Variants in CACNA2D1 observed in about 807,000 individuals in gnomAD.
CACNA2D1 encodes the protein voltage-dependent calcium channel subunit alpha-2/delta-1.
A neutral mutation model predicts 171.5 loss-of-function variants in CACNA2D1; 53 were observed. That is an observed-to-expected ratio of 0.31 (90% CI 0.25 to 0.39). The LOEUF (loss-of-function observed/expected upper bound fraction) is 0.39. Among genes scored for constraint, CACNA2D1 ranks in the 10% least tolerant of loss-of-function variants. The probability of loss-of-function intolerance (pLI) is 1.00; values close to 1 mark genes in which losing one functional copy is unlikely to be tolerated. For synonymous variants in CACNA2D1, 442 were observed against 443.1 expected, an observed-to-expected ratio of 1.00 and a Z score of 0.03; for missense variants, 903 against 1,299.8, an observed-to-expected ratio of 0.69 and a Z score of 4.69.
intron 17 of CACNA2D1, 111 bp from the exon 18 acceptor site, chr7:82,005,608 A>G: frequency 1.2e-6 from 1 of 855,990 alleles, no homozygotes; most frequent in South Asian, 1.5e-5. Flanking sequence ...ATGTTGAAAG[A>G]TAACATGGAA....
intron 12 of CACNA2D1, among the ~76,000 whole-genome samples, chr7:82,032,172 C>T (rs1392169673): frequency 6.6e-6 from 1 of 151,836 alleles, no homozygotes; most frequent in Non-Finnish European, 1.5e-5. Context: ...AATACTCTTC[C>T]CTTATAGTAA....
chr7:82,068,261 G>A (rs1173177614), intron 7 of CACNA2D1, among the ~76,000 whole-genome samples: 1 of 151,884 alleles, frequency 6.6e-6, no homozygotes, highest in African/African-American at 2.4e-5. Flanking sequence ...CCCGCCCCCT[G>A]CCCCAGATAT....
intron 3 of CACNA2D1, among the ~76,000 whole-genome samples, chr7:82,316,906 C>T (rs943399567): frequency 1.3e-5 from 2 of 152,146 alleles, no homozygotes; most frequent in Non-Finnish European, 2.9e-5. Context: ...TTCCACCTGG[C>T]CTCACCCTTG....
intron 3 of CACNA2D1, among the ~76,000 whole-genome samples, chr7:82,195,445 G>C (rs1798753363): frequency 6.6e-6 from 1 of 151,858 alleles, no homozygotes; most frequent in Non-Finnish European, 1.5e-5. Flanking sequence ...GAGATTGGAG[G>C]GATAGTGGTG....
chr7:82,419,676 T>C (rs187000096), intron 1 of CACNA2D1, among the ~76,000 whole-genome samples: 41 of 152,264 alleles, frequency 2.7e-4, no homozygotes, highest in East Asian at 1.4e-3. Flanking sequence ...TATTCGTTAT[T>C]GGGAATTAAT....
At chr7:82,138,690 C>T (rs1268954858) in intron 4 of CACNA2D1, among the ~76,000 whole-genome samples, 1 of 152,024 alleles carries the variant, frequency 6.6e-6, no homozygotes, top group African/African-American at 2.4e-5. Flanking sequence ...TCGTGATCCG[C>T]CCGCCTCAGC....
intron 3 of CACNA2D1, among the ~76,000 whole-genome samples, chr7:82,179,772 T>G (rs1796923119): frequency 6.6e-6 from 1 of 152,166 alleles, no homozygotes; most frequent in Non-Finnish European, 1.5e-5. Flanking sequence ...TATATCATTT[T>G]GTATTATAAG....
At chr7:82,372,417 T>G (rs899313897) in intron 1 of CACNA2D1, among the ~76,000 whole-genome samples, 1 of 152,130 alleles carries the variant, frequency 6.6e-6, no homozygotes, top group Non-Finnish European at 1.5e-5. Context: ...CCAGGTAATT[T>G]TAACATAAAT....
intron 1 of CACNA2D1, among the ~76,000 whole-genome samples, chr7:82,429,521 C>A (rs1327299275): frequency 6.6e-6 from 1 of 152,106 alleles, no homozygotes; most frequent in Non-Finnish European, 1.5e-5. Context: ...AGCGGTAGGA[C>A]CAAATCCAAG....
chr7:82,306,846 C>G (rs1185138928), intron 3 of CACNA2D1, among the ~76,000 whole-genome samples: 1 of 149,042 alleles, frequency 6.7e-6, no homozygotes, highest in African/African-American at 2.5e-5. Context: ...TTCTCTTCAC[C>G]AGCTCTCTTA....
At chr7:82,249,011 G>C (rs1041942372) in intron 3 of CACNA2D1, among the ~76,000 whole-genome samples, 1 of 151,968 alleles carries the variant, frequency 6.6e-6, no homozygotes, top group Admixed American at 6.5e-5. Flanking sequence ...CAGCTACTCA[G>C]GAGGCTGAGG....
At chr7:82,048,265 A>AT (rs1804780040) in intron 10 of CACNA2D1, among the ~76,000 whole-genome samples, 2 of 152,190 alleles carry the variant, frequency 1.3e-5, no homozygotes, top group African/African-American at 4.8e-5. Flanking sequence ...TAAATTAATG[A>AT]CAAAAAGATA....
chr7:82,262,420 G>A (rs1374482763), intron 3 of CACNA2D1, among the ~76,000 whole-genome samples: 3 of 152,152 alleles, frequency 2.0e-5, no homozygotes, highest in Non-Finnish European at 2.9e-5. Context: ...ACCATGCTGA[G>A]AAAAGTGCTT....
At chr7:82,175,517 T>C (rs1411261052) in intron 3 of CACNA2D1, among the ~76,000 whole-genome samples, 2 of 152,048 alleles carry the variant, frequency 1.3e-5, no homozygotes, top group East Asian at 1.9e-4. Context: ...CAAACGGTTC[T>C]TAGCATATCA....
chr7:82,148,824 G>T (rs1793456441), intron 4 of CACNA2D1, among the ~76,000 whole-genome samples: 1 of 151,930 alleles, frequency 6.6e-6, no homozygotes, highest in Non-Finnish European at 1.5e-5. Flanking sequence ...TTTAAAAGAG[G>T]CAGGGTTTCA....
intron 16 of CACNA2D1, among the ~76,000 whole-genome samples, chr7:82,006,169 GTGTCTATATA>G (rs1217369287): frequency 6.6e-6 from 1 of 151,876 alleles, no homozygotes; most frequent in Non-Finnish European, 1.5e-5. Flanking sequence ...TTATAGCTGT[GTGTCTATATA>G]TGTGAGTTTA....
At chr7:82,436,690 T>C (rs746979461) in intron 1 of CACNA2D1, among the ~76,000 whole-genome samples, 1 of 152,220 alleles carries the variant, frequency 6.6e-6, no homozygotes, top group Non-Finnish European at 1.5e-5. Flanking sequence ...ATCTGAGGGC[T>C]CTTCTCTCTG....
At chr7:82,143,392 G>A (rs1792620871) in intron 4 of CACNA2D1, among the ~76,000 whole-genome samples, 1 of 151,962 alleles carries the variant, frequency 6.6e-6, no homozygotes, top group South Asian at 2.1e-4. Context: ...AAAATATCAG[G>A]AATATACATC....
At chr7:81,951,678 C>T (rs575117535) in intron 38 of CACNA2D1, among the ~76,000 whole-genome samples, 39 of 152,128 alleles carry the variant, frequency 2.6e-4, no homozygotes, top group African/African-American at 9.4e-4. Flanking sequence ...TATTTCATTC[C>T]TTTTTATGGC....
Sources: allele counts gnomAD v4.1 joint callset (sites outside exome capture counted in the v4.1 genomes callset), GRCh38; gene constraint gnomAD v4.1.1; transcripts MANE v1.5; gene names NCBI Gene and HGNC (gene_info 2026-07-23, HGNC 2026-07-21).